MYT1L: variants seen among roughly 807,000 people sequenced by gnomAD.
MYT1L encodes the protein myelin transcription factor 1 like, also known as myelin transcription factor 1-like protein.
In MYT1L, 12 loss-of-function variants were observed where a neutral mutation model predicts 126.7. The ratio of observed to expected loss-of-function variants is 0.09; its 90% CI spans 0.06 to 0.15. The LOEUF (loss-of-function observed/expected upper bound fraction) is 0.15, where lower values mean the gene tolerates loss of function less well. Among genes scored for constraint, MYT1L ranks in the 10% least tolerant of loss-of-function variants. MYT1L has a pLI of 1.00. For synonymous variants in MYT1L, 541 were observed against 604.2 expected, an observed-to-expected ratio of 0.90 and a Z score of 1.53; for missense variants, 979 against 1,585.2, an observed-to-expected ratio of 0.62 and a Z score of 6.49.
intron 3 of MYT1L, among the ~76,000 whole-genome samples, chr2:2,107,483 C>T (rs1283083188): frequency 2.0e-5 from 3 of 152,162 alleles, no homozygotes; most frequent in East Asian, 1.9e-4. Context: ...AAAGCATTTG[C>T]GGGACTCTGG....
chr2:1,842,874 C>T, intron 19 of MYT1L: 1 of 137,536 alleles, frequency 7.3e-6, no homozygotes, highest in East Asian at 2.1e-4. Context: ...CCAGCTTCCG[C>T]TTCCAGGCGC....
At chr2:1,881,224 C>T (rs563729549) in intron 18 of MYT1L, among the ~76,000 whole-genome samples, 1 of 152,298 alleles carries the variant, frequency 6.6e-6, no homozygotes, top group Non-Finnish European at 1.5e-5. Flanking sequence ...AGGGAGGCTC[C>T]TGCTGCTGGG....
At chr2:2,155,502 A>G (rs1218076774) in intron 3 of MYT1L, among the ~76,000 whole-genome samples, 1 of 152,182 alleles carries the variant, frequency 6.6e-6, no homozygotes, top group Non-Finnish European at 1.5e-5. Flanking sequence ...CATCTCATCT[A>G]TTCTCAGCAC....
chr2:2,202,842 T>G (rs1213447114), intron 2 of MYT1L, among the ~76,000 whole-genome samples: 9 of 152,160 alleles, frequency 5.9e-5, no homozygotes, highest in Non-Finnish European at 1.2e-4. Context: ...TAGACCAATA[T>G]CCTTGATGAA....
intron 2 of MYT1L, among the ~76,000 whole-genome samples, chr2:2,173,962 A>G (rs1178318971): frequency 1.3e-5 from 2 of 152,232 alleles, no homozygotes; most frequent in African/African-American, 4.8e-5. Flanking sequence ...AAATAAGATA[A>G]CACAAGATTT....
In MYT1L at chr2:2,249,708, C is replaced by T. The variant is rs554617964; in HGVS notation, c.-421+34696G>A. Among the ~76,000 whole-genome samples the T allele has an allele frequency of 3.9e-5, 6 of 152,042 alleles. No individual in the cohort carries two copies. In the East Asian group the frequency reaches 7.7e-4, roughly 20 times the overall value. On this transcript the variant is annotated intron_variant, in intron 2 of 24. Coordinates refer to ENST00000647738, the MANE Select transcript of MYT1L (RefSeq NM_001303052.2). ...ATCAAGTAAAAAAGCTTCTTCACAG[C>T]AAAGGAAACAATCAACAAAGTGAAG...
At chr2:1,822,965 GT>G (rs1230424107) in intron 21 of MYT1L, among the ~76,000 whole-genome samples, 2 of 152,180 alleles carry the variant, frequency 1.3e-5, no homozygotes, top group African/African-American at 2.4e-5. Context: ...GGTTGTTAAC[GT>G]TATCACTGCT....
chr2:2,021,369 G>C (rs965618633), intron 4 of MYT1L, among the ~76,000 whole-genome samples: 5 of 152,208 alleles, frequency 3.3e-5, no homozygotes, highest in East Asian at 1.9e-4. Flanking sequence ...ATTTCTAGCA[G>C]TGGCAGGAGG....
chr2:2,276,961 C>T (rs1198839458), intron 2 of MYT1L, among the ~76,000 whole-genome samples: 2 of 143,796 alleles, frequency 1.4e-5, no homozygotes, highest in East Asian at 2.2e-4. Flanking sequence ...CACCTGCTAA[C>T]TTCCGATTGA....
At chr2:2,274,736 G>C (rs2095325351) in intron 2 of MYT1L, among the ~76,000 whole-genome samples, 1 of 152,180 alleles carries the variant, frequency 6.6e-6, no homozygotes, top group Non-Finnish European at 1.5e-5. Flanking sequence ...CTTAATTGTA[G>C]ACCTTGTAAA....
At chr2:2,245,688 G>C (rs571003353) in intron 2 of MYT1L, among the ~76,000 whole-genome samples, 2 of 151,994 alleles carry the variant, frequency 1.3e-5, no homozygotes, top group East Asian at 3.9e-4. Flanking sequence ...TCCTTCTCCA[G>C]GACTCTACAG....
Position 2,034,241 on chromosome 2 carries a change from A to G in MYT1L, c.-158+19737T>C, listed in dbSNP as rs566607563. On this transcript the variant is annotated intron_variant, in intron 4 of 24. Transcript: ENST00000647738. Reference sequence around the variant, plus strand: ...TCCAGCCGACTCGGCATCTCTATGAACACCCACAACTTCATGCGGGTGCAG... The same window carrying G: ...TCCAGCCGACTCGGCATCTCTATGAGCACCCACAACTTCATGCGGGTGCAG... 2.2e-4 allele frequency among the ~76,000 whole-genome samples: 33 copies of G among 152,290 alleles called. No individual in the cohort carries two copies. In the South Asian group the frequency reaches 6.4e-3, roughly 30 times the overall value.
At chr2:1,991,580 A>AGATCCTTTTCTTAAAGCTGACCTC (rs2061459381) in intron 5 of MYT1L, among the ~76,000 whole-genome samples, 2 of 152,060 alleles carry the variant, frequency 1.3e-5, no homozygotes, top group South Asian at 4.2e-4. Flanking sequence ...CGCCTGACCT[A>AGATCCTTTTCTTAAAGCTGACCTC]GATCCTTTTC....
At chr2:2,206,884 G>T (rs1206385282) in intron 2 of MYT1L, among the ~76,000 whole-genome samples, 4 of 152,126 alleles carry the variant, frequency 2.6e-5, no homozygotes, top group Non-Finnish European at 5.9e-5. Context: ...GCCAAGCACG[G>T]TACTGAAGGG....
intron 3 of MYT1L, among the ~76,000 whole-genome samples, chr2:2,110,638 T>C (rs187356550): frequency 6.8e-6 from 1 of 147,804 alleles, no homozygotes; most frequent in Admixed American, 6.7e-5. Flanking sequence ...CCCTCATTCT[T>C]TCCTTCCTCT....
In MYT1L at chr2:1,862,790, C is replaced by T. The variant is rs531908797; in HGVS notation, c.2712-11087G>A. Among the ~76,000 whole-genome samples, 18 of 152,200 alleles carry T rather than the reference C, an allele frequency of 1.2e-4. No homozygotes were observed. In the East Asian group the frequency reaches 3.3e-3, roughly 28 times the overall value. ...GATGTGGCCGTCTCATATTCTGGCT[C>T]TGGAATCAGTGACGTGTGTTCCCTG... is the stretch of plus-strand genomic sequence containing the variant. On this transcript the variant is annotated intron_variant, in intron 18 of 24. Coordinates refer to ENST00000647738, the MANE Select transcript of MYT1L (RefSeq NM_001303052.2).
intron 3 of MYT1L, among the ~76,000 whole-genome samples, chr2:2,130,972 C>A (rs1348964228): frequency 2.0e-5 from 3 of 152,064 alleles, no homozygotes; most frequent in African/African-American, 7.2e-5. Context: ...ATTAACAATT[C>A]TAAAAAGGAG....
At chr2:2,112,229 C>A (rs114438810) in intron 3 of MYT1L, among the ~76,000 whole-genome samples, 1 of 152,120 alleles carries the variant, frequency 6.6e-6, no homozygotes, top group Non-Finnish European at 1.5e-5. Flanking sequence ...ATCTCTCTAT[C>A]GAAGCTCACA....
In MYT1L at chr2:2,154,434, G is replaced by C. The variant is rs545324224; in HGVS notation, c.-304+18438C>G. On this transcript the variant is annotated intron_variant, in intron 3 of 24. Transcript: ENST00000647738. ...GCAAAGACATGGAATCAACCTAAATGCCTATCAATAGTAGACTGGATAAAG... is the reference window on the plus strand; with the variant it reads ...GCAAAGACATGGAATCAACCTAAATCCCTATCAATAGTAGACTGGATAAAG... Among the ~76,000 whole-genome samples the C allele has an allele frequency of 3.4e-4, 52 of 152,288 alleles. No individual in the cohort carries two copies. In the East Asian group the frequency reaches 9.8e-3, roughly 29 times the overall value.
Sources: allele counts gnomAD v4.1 joint callset (sites outside exome capture counted in the v4.1 genomes callset), GRCh38; gene constraint gnomAD v4.1.1; transcripts MANE v1.5; gene names NCBI Gene and HGNC (gene_info 2026-07-23, HGNC 2026-07-21).